The following GPHN variants were observed in gnomAD, a reference collection of about 807,000 sequenced individuals.
GPHN encodes the protein gephyrin.
GPHN carries 17 observed loss-of-function variants against 95.5 expected under a neutral mutation model. The ratio of observed to expected loss-of-function variants is 0.18; its 90% CI spans 0.12 to 0.27. GPHN has a LOEUF of 0.27. GPHN is among the 10% of genes least tolerant of loss of function. The pLI, the probability that GPHN is intolerant of heterozygous loss-of-function variation, is 1.00. For synonymous variants in GPHN, 320 were observed against 322.5 expected (o/e 0.99, Z 0.08); for missense variants, 660 against 978.1 (o/e 0.67, Z 4.34).
intron 5 of GPHN, among the ~76,000 whole-genome samples, chr14:66,887,797 A>T (rs1315094620): frequency 6.6e-6 from 1 of 152,228 alleles, no homozygotes; most frequent in Admixed American, 6.5e-5. Context: ...TGTTGGAATT[A>T]TCAGTCTGGG....
chr14:67,712,999 T>A, the GPHN span, among the ~76,000 whole-genome samples: 1 of 152,096 alleles, frequency 6.6e-6, no homozygotes, highest in Non-Finnish European at 1.5e-5. Flanking sequence ...AATTTGGAAC[T>A]TTCCTTTGGA....
chr14:67,666,692 T>C, the GPHN span, among the ~76,000 whole-genome samples: 1 of 152,170 alleles, frequency 6.6e-6, no homozygotes, highest in Non-Finnish European at 1.5e-5. Context: ...CTAGTCTAAC[T>C]TCCTGCCTTT....
chr14:66,746,271 T>C (rs2058145515), intron 2 of GPHN, among the ~76,000 whole-genome samples: 1 of 152,216 alleles, frequency 6.6e-6, no homozygotes, highest in African/African-American at 2.4e-5. Context: ...TTCCAACATC[T>C]GCATCATTTC....
intron 1 of GPHN, among the ~76,000 whole-genome samples, chr14:66,642,564 T>TTG (rs1555368324): frequency 2.0e-5 from 3 of 151,698 alleles, no homozygotes; most frequent in Non-Finnish European, 4.4e-5. Context: ...TTTTTGTTTT[T>TTG]TTTTTTTTTG....
At chr14:67,341,443 A>G in the GPHN span, among the ~76,000 whole-genome samples, 1 of 149,388 alleles carries the variant, frequency 6.7e-6, no homozygotes, top group Non-Finnish European at 1.5e-5. Context: ...CCCAGCAGCC[A>G]CCCCGTCCAG....
chr14:66,610,152 T>C (rs574801912), intron 1 of GPHN, among the ~76,000 whole-genome samples: 1 of 152,306 alleles, frequency 6.6e-6, no homozygotes, highest in South Asian at 2.1e-4. Flanking sequence ...GATTTTTATT[T>C]GTGAGTAGAT....
chr14:67,266,231 G>A, the GPHN span, among the ~76,000 whole-genome samples: 1 of 152,092 alleles, frequency 6.6e-6, no homozygotes, highest in Non-Finnish European at 1.5e-5. Flanking sequence ...GTAAGAACTC[G>A]TTTTTTAGTT....
intron 4 of GPHN, among the ~76,000 whole-genome samples, chr14:66,879,540 G>C (rs558209401): frequency 6.7e-4 from 102 of 152,004 alleles, no homozygotes; most frequent in African/African-American, 2.3e-3. Context: ...GATTATCTCA[G>C]GTTTTCAGAG....
At chr14:66,560,434 TCTC>T (rs1386803790) in intron 1 of GPHN, among the ~76,000 whole-genome samples, 1 of 152,172 alleles carries the variant, frequency 6.6e-6, no homozygotes. Context: ...GGTTTGTAGT[TCTC>T]CTTGAAGAGG....
the GPHN span, among the ~76,000 whole-genome samples, chr14:67,465,899 G>A: frequency 1.3e-3 from 200 of 152,296 alleles, 2 homozygotes; most frequent in Middle Eastern, 6.8e-3. Context: ...GGCAGAAATG[G>A]GAGTGATGCT....
chr14:66,849,921 C>T (rs1364558734), intron 4 of GPHN, among the ~76,000 whole-genome samples: 1 of 152,094 alleles, frequency 6.6e-6, no homozygotes, highest in Admixed American at 6.6e-5. Flanking sequence ...TATTTTATCA[C>T]TCATGCTCTT....
chr14:67,148,478 A>G (rs1206223315), intron 18 of GPHN, among the ~76,000 whole-genome samples: 1 of 152,128 alleles, frequency 6.6e-6, no homozygotes, highest in Non-Finnish European at 1.5e-5. Context: ...TAGTCTTCAT[A>G]ACCGTAAGGG....
At chr14:67,199,850 C>T in the GPHN span, 23 of 1,493,108 alleles carry the variant, frequency 1.5e-5, no homozygotes, top group East Asian at 1.8e-4. Flanking sequence ...CATGCCCCAC[C>T]ACCTATGCCT....
the GPHN span, among the ~76,000 whole-genome samples, chr14:67,193,159 T>C: frequency 1.4e-5 from 2 of 143,804 alleles, no homozygotes; most frequent in African/African-American, 5.0e-5. Context: ...TATATCTCTA[T>C]ATAGACATCT....
the GPHN span, chr14:67,321,138 T>C: frequency 6.2e-7 from 1 of 1,614,200 alleles, no homozygotes; most frequent in African/African-American, 1.3e-5. Context: ...GAGGCAGACA[T>C]AGCAGCTGGA....
At chr14:67,337,317 G>C in the GPHN span, 1 of 152,396 alleles carries the variant, frequency 6.6e-6, no homozygotes, top group Non-Finnish European at 1.5e-5. Context: ...TTCAAGACCA[G>C]CCTGGCCAAC....
At chr14:66,574,548 A>G (rs1040396378) in intron 1 of GPHN, among the ~76,000 whole-genome samples, 1 of 152,164 alleles carries the variant, frequency 6.6e-6, no homozygotes, top group Non-Finnish European at 1.5e-5. Flanking sequence ...TTTCAACTAG[A>G]TTTCTCTTTA....
chr14:67,075,725 A>T (rs2076469931), intron 11 of GPHN, among the ~76,000 whole-genome samples: 1 of 152,222 alleles, frequency 6.6e-6, no homozygotes. Flanking sequence ...GGAAGAAGTA[A>T]CTACGATGTC....
chr14:67,060,712 G>A (rs1594981240), intron 11 of GPHN, among the ~76,000 whole-genome samples: 1 of 152,134 alleles, frequency 6.6e-6, no homozygotes, highest in Non-Finnish European at 1.5e-5. Context: ...TTACAGGCTT[G>A]CCTTCCTTTG....
Sources: allele counts gnomAD v4.1 joint callset (sites outside exome capture counted in the v4.1 genomes callset), GRCh38; gene constraint gnomAD v4.1.1; transcripts MANE v1.5; gene names NCBI Gene and HGNC (gene_info 2026-07-23, HGNC 2026-07-21).